Variants in DHRS7B observed in about 807,000 individuals in gnomAD.
DHRS7B encodes the protein dehydrogenase/reductase 7B, also known as peroxisomal reductase activating PPAR-gamma.
A neutral mutation model predicts 26.4 loss-of-function variants in DHRS7B; 24 were observed. That is an observed-to-expected ratio of 0.91 (90% confidence interval 0.66 to 1.28). DHRS7B has a LOEUF of 1.28. DHRS7B is among the 50% of genes most tolerant of loss of function. The pLI is 0.00. For synonymous variants in DHRS7B, 142 were observed against 166.4 expected, an observed-to-expected ratio of 0.85 and a Z score of 1.13; for missense variants, 368 against 419.4, an observed-to-expected ratio of 0.88 and a Z score of 1.07.
chr17:21,166,133 C>A (rs568643527), intron 1 of DHRS7B: 11 of 985,390 alleles, frequency 1.1e-5, no homozygotes, highest in Non-Finnish European at 1.3e-5. Context: ...TCCGCCCCCC[C>A]TCACAGGATT....
chr17:21,169,078 G>C (rs1249180372), intron 1 of DHRS7B, among the ~76,000 whole-genome samples: 1 of 152,192 alleles, frequency 6.6e-6, no homozygotes, highest in Non-Finnish European at 1.5e-5. Context: ...TTTAGTACCT[G>C]TCTGCTCTCT....
Position 21,183,779 on chromosome 17 carries a change from A to C in DHRS7B, c.495A>C (p.Thr165=). The C allele has an allele frequency of 6.2e-7, 1 of 1,614,262 alleles. No homozygotes were observed. The highest frequency in any genetic ancestry group is 2.2e-5 in the East Asian group (1 of 44,888). ...ATGTGGACAAGAGGGTCATGGAGAC[A>C]AACTACTTTGGCCCAGTTGCTCTAA... ...TVDVDKRVME[T]NYFGPVALTK... is the part of the protein sequence containing the mutation. Residue 165 remains threonine (T), a synonymous_variant, in exon 4 of 7, where the codon ACA becomes ACC. Transcript: ENST00000395511.
intron 1 of DHRS7B, among the ~76,000 whole-genome samples, chr17:21,135,847 A>G (rs73305681): frequency 0.031 from 4,770 of 152,262 alleles, 235 homozygotes; most frequent in African/African-American, 0.11. Context: ...ATTGGCCGTT[A>G]CAATCTTACG....
chr17:21,136,194 C>T (rs1009007202), intron 1 of DHRS7B, among the ~76,000 whole-genome samples: 6 of 151,842 alleles, frequency 4.0e-5, no homozygotes, highest in East Asian at 3.9e-4. Flanking sequence ...CTCAGCTACT[C>T]GAGAGGCTGA....
At position 21,176,067 on chromosome 17, in the gene DHRS7B, G is replaced by A. The variant is rs117515749; in HGVS notation, c.200-2166G>A. 1.1e-3 allele frequency among the ~76,000 whole-genome samples: 169 copies of A among 152,000 alleles called. 3 individuals are homozygous for A. In the East Asian group the frequency reaches 0.026, roughly 23 times the overall value. ...GGCTGGAGTACAGTGGTGTGATCAT[G>A]GCTCACTTGACTTCCCAGGCTCAAG... On this transcript the variant is annotated intron_variant, in intron 2 of 6. Coordinates refer to ENST00000395511, the MANE Select transcript of DHRS7B (RefSeq NM_015510.5).
At chr17:21,178,082 G>A (rs963750731) in intron 2 of DHRS7B, 151 bp from the exon 3 acceptor site, 33 of 713,912 alleles carry the variant, frequency 4.6e-5, no homozygotes, top group Non-Finnish European at 7.0e-5. Flanking sequence ...CCCGGCATTG[G>A]GCCCTAGCTC....
chr17:21,167,038 G>T (rs1245380847), intron 1 of DHRS7B, among the ~76,000 whole-genome samples: 3 of 152,064 alleles, frequency 2.0e-5, no homozygotes, highest in African/African-American at 7.3e-5. Flanking sequence ...CGAGAGAAAG[G>T]AATCTTAGGA....
intron 1 of DHRS7B, among the ~76,000 whole-genome samples, chr17:21,161,199 C>T (rs1317862038): frequency 6.6e-6 from 1 of 152,034 alleles, no homozygotes; most frequent in Admixed American, 6.6e-5. Context: ...TAAACTTTGC[C>T]CTCTGGGTAA....
chr17:21,130,272 C>G (rs1029725531), intron 1 of DHRS7B, among the ~76,000 whole-genome samples: 1 of 152,034 alleles, frequency 6.6e-6, no homozygotes, highest in Non-Finnish European at 1.5e-5. Context: ...TGCCTGTAAT[C>G]CCAGCTACTC....
At position 21,188,728 on chromosome 17, in the gene DHRS7B, G is replaced by A. The variant is rs760193362; in HGVS notation, c.637G>A (p.Ala213Thr). 55 of 1,600,446 alleles carry A rather than the reference G, an allele frequency of 3.4e-5. No homozygotes were observed. The highest frequency in any genetic ancestry group is 2.2e-5 in the East Asian group (1 of 44,536). Residue 213 changes from alanine to threonine, a missense_variant, in exon 6 of 7, where the codon GCA (alanine) becomes ACA (threonine). Coordinates refer to ENST00000395511, the MANE Select transcript of DHRS7B (RefSeq NM_015510.5). ...ATGTGTAGATGCAGCCTCCAAGCAC[G>A]CAACCCAGGCTTTCTTTGACTGTCT... ...FRSAYAASKHATQAFFDCLRA... is the reference protein window; with the variant it reads ...FRSAYAASKHTTQAFFDCLRA...
chr17:21,130,431 T>TGTAC (rs1973204452), intron 1 of DHRS7B, among the ~76,000 whole-genome samples: 1 of 152,128 alleles, frequency 6.6e-6, no homozygotes, highest in African/African-American at 2.4e-5. Context: ...TACGTATGTA[T>TGTAC]GTACGTACGT....
At chr17:21,135,814 C>G (rs1246573241) in intron 1 of DHRS7B, among the ~76,000 whole-genome samples, 1 of 152,272 alleles carries the variant, frequency 6.6e-6, no homozygotes, top group East Asian at 1.9e-4. Context: ...TATAGAGAAA[C>G]TGAACTTATT....
intron 1 of DHRS7B, among the ~76,000 whole-genome samples, chr17:21,155,054 CTG>C (rs1973848927): frequency 6.6e-6 from 1 of 152,156 alleles, no homozygotes; most frequent in African/African-American, 2.4e-5. Context: ...GGCAGAAGAA[CTG>C]TGGAAGACAA....
intron 1 of DHRS7B, among the ~76,000 whole-genome samples, chr17:21,147,498 T>A (rs1252102402): frequency 1.3e-5 from 2 of 152,098 alleles, no homozygotes; most frequent in African/African-American, 4.8e-5. Flanking sequence ...AACTCAAACA[T>A]GAAGATGAGA....
intron 1 of DHRS7B, among the ~76,000 whole-genome samples, chr17:21,167,367 T>C (rs1974137593): frequency 6.6e-6 from 1 of 152,190 alleles, no homozygotes; most frequent in African/African-American, 2.4e-5. Flanking sequence ...AACCTGGGTC[T>C]AGAGCTCATG....
At chr17:21,151,387 A>G (rs1973767572) in intron 1 of DHRS7B, among the ~76,000 whole-genome samples, 1 of 151,900 alleles carries the variant, frequency 6.6e-6, no homozygotes, top group Admixed American at 6.6e-5. Flanking sequence ...GTTGGCAGGC[A>G]CCTGTAATCC....
intron 1 of DHRS7B, among the ~76,000 whole-genome samples, chr17:21,160,183 G>T (rs149830214): frequency 6.6e-6 from 1 of 151,866 alleles, no homozygotes; most frequent in African/African-American, 2.4e-5. Context: ...GTGAAACCCC[G>T]TCTCTACTAA....
At chr17:21,142,080 T>C (rs1973528205) in intron 1 of DHRS7B, among the ~76,000 whole-genome samples, 1 of 152,126 alleles carries the variant, frequency 6.6e-6, no homozygotes, top group African/African-American at 2.4e-5. Context: ...AGGGAGTGGC[T>C]TTCATCAGCT....
intron 1 of DHRS7B, among the ~76,000 whole-genome samples, chr17:21,152,828 A>AG (rs765678092): frequency 1.1e-4 from 16 of 152,170 alleles, no homozygotes; most frequent in Non-Finnish European, 1.9e-4. Context: ...TCCCACCTGA[A>AG]GGGGGAACAC....
Sources: gnomAD v4.1 joint callset for allele counts (sites outside exome capture counted in the v4.1 genomes callset) on GRCh38, gnomAD v4.1.1 for gene constraint, MANE v1.5 for transcripts, NCBI Gene and HGNC (gene_info 2026-07-23, HGNC 2026-07-21) for gene names.